The following PIKFYVE variants were observed in gnomAD, a reference collection of about 807,000 sequenced individuals.
PIKFYVE encodes the protein phosphoinositide kinase, FYVE-type zinc finger containing, also known as 1-phosphatidylinositol 3-phosphate 5-kinase.
In PIKFYVE, 122 loss-of-function variants were observed where a neutral mutation model predicts 257.9. The ratio of observed to expected loss-of-function variants is 0.47; its 90% CI spans 0.41 to 0.55. The LOEUF (loss-of-function observed/expected upper bound fraction) is 0.55. Among genes scored for constraint, PIKFYVE ranks in the 20% least tolerant of loss-of-function variants. PIKFYVE has a pLI of 0.00. For missense variants in PIKFYVE, 2,160 were observed against 2,536.6 expected (o/e 0.85, Z 3.19); for synonymous variants, 892 against 868.9 (o/e 1.03, Z -0.47).
chr2:208,312,521 G>C (rs1695043793), intron 13 of PIKFYVE, among the ~76,000 whole-genome samples: 1 of 152,166 alleles, frequency 6.6e-6, no homozygotes, highest in Non-Finnish European at 1.5e-5. Context: ...GATGTGAAAA[G>C]TAATTGTTTA....
chr2:208,350,662 G>T, intron 36 of PIKFYVE, 109 bp from the exon 37 acceptor site: 1 of 1,175,292 alleles, frequency 8.5e-7, no homozygotes. Context: ...ATGCCATCAT[G>T]AAGAAACTTA....
chr2:208,303,193 C>T (rs7587752), intron 10 of PIKFYVE, among the ~76,000 whole-genome samples: 111,407 of 151,966 alleles, frequency 0.73, 43,476 homozygotes, highest in East Asian at 0.93. Context: ...GATATACTTT[C>T]ACTCTTGGTT....
At chr2:208,306,720 G>A (rs929311327) in intron 12 of PIKFYVE, among the ~76,000 whole-genome samples, 2 of 152,058 alleles carry the variant, frequency 1.3e-5, no homozygotes, top group Admixed American at 1.3e-4. Context: ...ATTGACAGGA[G>A]AAGCACCTGC....
At chr2:208,319,876 T>C (rs1388095799) in intron 16 of PIKFYVE, among the ~76,000 whole-genome samples, 8 of 152,204 alleles carry the variant, frequency 5.3e-5, no homozygotes, top group Admixed American at 4.6e-4. Context: ...GACTAAAATA[T>C]GCTTTTAAAG....
rs1435627063 is a variant in PIKFYVE at position 208,356,929 on chromosome 2, A to T, written c.*1624A>T. On this transcript the variant is annotated 3_prime_UTR_variant, in exon 42 of 42. Transcript: ENST00000264380. ...TGGACAAGTTCAGTTACACAGTATG[A>T]TGAATACTTGAATTAGGAACATTGT... 2 of 152,672 alleles carry T rather than the reference A, an allele frequency of 1.3e-5. No individual in the cohort carries two copies. The highest frequency in any genetic ancestry group is 2.9e-5 in the Non-Finnish European group (2 of 68,046). 9.5% of individuals were successfully genotyped at this position (152,672 alleles called of 1,614,324 possible). A position where few individuals can be genotyped will look rare whatever the true frequency, so the allele number is the denominator to read the frequency against.
At chr2:208,309,010 C>G (rs1574555181) in intron 12 of PIKFYVE, among the ~76,000 whole-genome samples, 1 of 152,206 alleles carries the variant, frequency 6.6e-6, no homozygotes, top group South Asian at 2.1e-4. Flanking sequence ...ACCCGGCCCA[C>G]TACTAGTATT....
chr2:208,321,990 C>G (rs888320034), intron 17 of PIKFYVE, among the ~76,000 whole-genome samples: 9 of 152,082 alleles, frequency 5.9e-5, no homozygotes, highest in African/African-American at 2.2e-4. Flanking sequence ...TAGGAAGTAG[C>G]TGAAATAGCA....
At chr2:208,294,334 A>G (rs2125251859) in intron 7 of PIKFYVE, among the ~76,000 whole-genome samples, 1 of 152,308 alleles carries the variant, frequency 6.6e-6, no homozygotes, top group South Asian at 2.1e-4. Flanking sequence ...TTTCGCATTA[A>G]CACCCTTAGC....
intron 5 of PIKFYVE, 22 bp from the exon 6 acceptor site, chr2:208,285,704 T>C: frequency 6.3e-7 from 1 of 1,595,354 alleles, no homozygotes; most frequent in South Asian, 1.1e-5. Context: ...TCCTTGTTTT[T>C]GTTTTTGTTT....
chr2:208,352,484 A>G (rs1173631580), intron 38 of PIKFYVE, among the ~76,000 whole-genome samples, 170 bp from the exon 39 acceptor site: 1 of 152,146 alleles, frequency 6.6e-6, no homozygotes, highest in African/African-American at 2.4e-5. Context: ...TTTTATTGGC[A>G]TTGCTGCTGT....
chr2:208,284,261 CTTTT>C (rs35089730), intron 5 of PIKFYVE, among the ~76,000 whole-genome samples: 3 of 139,966 alleles, frequency 2.1e-5, no homozygotes, highest in Non-Finnish European at 3.1e-5. Context: ...CATTTCTATC[CTTTT>C]TTTTTTTTTT....
At chr2:208,277,751 A>C (rs762968537) in intron 5 of PIKFYVE, 43 bp downstream of exon 5, 3 of 1,596,232 alleles carry the variant, frequency 1.9e-6, no homozygotes, top group Non-Finnish European at 2.6e-6. Context: ...TAAAGGTCAT[A>C]ACTATAAGAC....
chr2:208,310,902 T>G (rs1483235453), intron 12 of PIKFYVE, among the ~76,000 whole-genome samples: 1 of 152,202 alleles, frequency 6.6e-6, no homozygotes. Context: ...TCTGTGCTAT[T>G]AAGACATTGT....
intron 3 of PIKFYVE, among the ~76,000 whole-genome samples, chr2:208,276,370 A>G (rs886607094): frequency 6.6e-6 from 1 of 152,130 alleles, no homozygotes; most frequent in Non-Finnish European, 1.5e-5. Context: ...TCTAGCATGC[A>G]TTTATTATAG....
chr2:208,304,711 T>C, intron 11 of PIKFYVE, 135 bp from the exon 12 acceptor site: 1 of 789,774 alleles, frequency 1.3e-6, no homozygotes, highest in Admixed American at 2.1e-5. Flanking sequence ...ATGAAAATAC[T>C]GTATCCATTT....
intron 2 of PIKFYVE, 38 bp from the exon 3 acceptor site, chr2:208,273,546 T>C: frequency 1.2e-6 from 2 of 1,613,466 alleles, no homozygotes; most frequent in Non-Finnish European, 1.7e-6. Context: ...TGCTGAACTC[T>C]CAGTCTTTAA....
At chr2:208,334,508 G>A (rs759097026) in intron 24 of PIKFYVE, 1 of 152,908 alleles carries the variant, frequency 6.5e-6, no homozygotes, top group African/African-American at 2.4e-5. Flanking sequence ...TGTCAGGTAG[G>A]TTGCTGCCTG....
intron 20 of PIKFYVE, 87 bp from the exon 21 acceptor site, chr2:208,328,093 T>C (rs1697137574): frequency 6.2e-7 from 1 of 1,605,076 alleles, no homozygotes; most frequent in Admixed American, 1.7e-5. Context: ...AATTGGAGGC[T>C]TTACAAATAG....
At chr2:208,321,591 T>TTTTA (rs1696235445) in intron 17 of PIKFYVE, among the ~76,000 whole-genome samples, 1 of 145,142 alleles carries the variant, frequency 6.9e-6, no homozygotes, top group Non-Finnish European at 1.5e-5. Context: ...TTTTTTTTTT[T>TTTTA]TTTGAGACGA....
Sources: allele counts gnomAD v4.1 joint callset (sites outside exome capture counted in the v4.1 genomes callset), GRCh38; gene constraint gnomAD v4.1.1; transcripts MANE v1.5; gene names NCBI Gene and HGNC (gene_info 2026-07-23, HGNC 2026-07-21).